UBE2M: variants seen among roughly 807,000 people sequenced by gnomAD.
UBE2M encodes the protein NEDD8-conjugating enzyme Ubc12.
In UBE2M, 2 loss-of-function variants were observed where a neutral mutation model predicts 23.5. The observed-to-expected ratio is 0.09, with a 90% CI of 0.03 to 0.27. The LOEUF (loss-of-function observed/expected upper bound fraction) is 0.27, where lower values mean the gene tolerates loss of function less well. Among genes scored for constraint, UBE2M ranks in the 10% least tolerant of loss-of-function variants. UBE2M has a pLI of 1.00. For synonymous variants in UBE2M, 97 were observed against 95.2 expected (o/e 1.02, Z -0.11); for missense variants, 103 against 232.9 (o/e 0.44, Z 3.63).
intron 1 of UBE2M, 135 bp from the exon 2 acceptor site, chr19:58,557,292 C>T: frequency 1.2e-6 from 1 of 855,916 alleles, no homozygotes; most frequent in Non-Finnish European, 1.9e-6. Context: ...CCAGGCGCCT[C>T]TCCTGGGCTG....
rs763088498 is a variant in UBE2M, at chr19:58,556,658, G to T, written c.347+29C>A. 2 of 1,511,090 alleles carry T rather than the reference G, an allele frequency of 1.3e-6. No homozygotes were observed. Among genetic ancestry groups the T allele is most frequent in the Non-Finnish European group, 1.8e-6 (2 of 1,128,706 alleles). The allele number at this position is 1,511,090 out of a possible 1,614,324, so 93.6% of individuals were successfully genotyped here. ...AGGGAGGCCTGGCAGGCAGCGCTGA[G>T]GAGGGCATTAGAGGGCCAGTGTCCT... On this transcript the variant is annotated intron_variant, in intron 4 of 5. Coordinates refer to ENST00000253023, the MANE Select transcript of UBE2M (RefSeq NM_003969.4). The surrounding 1 kb of genome is among the most constrained non-coding windows in gnomAD (Gnocchi z 4.9).
chr19:58,556,986 G>A lies in UBE2M; in HGVS notation c.205-56C>T. 3 of 1,613,716 alleles carry A rather than the reference G, an allele frequency of 1.9e-6. No individual in the cohort carries two copies. Among genetic ancestry groups the A allele is most frequent in the East Asian group, 2.2e-5 (1 of 44,880 alleles). ...AGGGTTCCATCCTGTGGGGCCCGAT[G>A]GGCAGAACATGTCTCCCTCCTCTCA... is the stretch of plus-strand genomic sequence containing the variant. On this transcript the variant is annotated intron_variant, in intron 2 of 5. Transcript: ENST00000253023. The surrounding 1 kb of genome is among the most constrained non-coding windows in gnomAD (Gnocchi z 4.9).
chr19:58,557,288 GCCTCT>G, intron 1 of UBE2M, 131 bp from the exon 2 acceptor site: 3 of 885,098 alleles, frequency 3.4e-6, no homozygotes, highest in Non-Finnish European at 5.6e-6. Context: ...ACCCCCAGGC[GCCTCT>G]CCTGGGCTGT....
rs757947177 is a variant in UBE2M at position 58,556,879 on chromosome 19, G to A, written c.243+13C>T. On this transcript the variant is annotated intron_variant, in intron 3 of 5. Coordinates refer to ENST00000253023, the MANE Select transcript of UBE2M (RefSeq NM_003969.4). This position sits in a 1 kb window ranked among gnomAD's most constrained non-coding sequence, Gnocchi z 4.9. Reference sequence around the variant, plus strand: ...TCTGTCCAGGGAGCCATCCCTGCCCGCCTGGGACTCACCTTAAAACTGAAC... The same window carrying A: ...TCTGTCCAGGGAGCCATCCCTGCCCACCTGGGACTCACCTTAAAACTGAAC... The A allele has an allele frequency of 9.9e-6, 16 of 1,613,952 alleles. No homozygotes were observed. In the East Asian group the frequency reaches 2.0e-4, roughly 20 times the overall value.
chr19:58,556,516 C>G lies in UBE2M; in HGVS notation c.348-137G>C, dbSNP rs917962644. On this transcript the variant is annotated intron_variant, in intron 4 of 5. Transcript: ENST00000253023. The surrounding 1 kb of genome is among the most constrained non-coding windows in gnomAD (Gnocchi z 4.9). Reference sequence around the variant, plus strand: ...CTGGGAGGGAGGGTGTGGAGCAGGACAGGCCAAGGAGAAAACCAAGGTCAG... The same window carrying G: ...CTGGGAGGGAGGGTGTGGAGCAGGAGAGGCCAAGGAGAAAACCAAGGTCAG... The G allele has an allele frequency of 9.0e-7, 1 of 1,114,254 alleles. No individual in the cohort carries two copies. The highest frequency in any genetic ancestry group is 1.3e-6 in the Non-Finnish European group (1 of 779,450). The allele number at this position is 1,114,254 out of a possible 1,614,324, so 69.0% of individuals were successfully genotyped here.
rs2053905087 is a variant in UBE2M, at chr19:58,558,150, A to C, written c.109+123T>G. 4 of 645,898 alleles carry C rather than the reference A, an allele frequency of 6.2e-6. No individual in the cohort carries two copies. Among genetic ancestry groups the C allele is most frequent in the African/African-American group, 2.2e-5 (1 of 45,156 alleles). 40.0% of individuals were successfully genotyped at this position (645,898 alleles called of 1,614,324 possible). A position where few individuals can be genotyped will look rare whatever the true frequency, so the allele number is the denominator to read the frequency against. ...CAAGACTTGACCTCCGACCCCCCCCACGCTCGGGGCCCTTCACCTCTGACC... is the reference window on the plus strand; with the variant it reads ...CAAGACTTGACCTCCGACCCCCCCCCCGCTCGGGGCCCTTCACCTCTGACC... On this transcript the variant is annotated intron_variant, in intron 1 of 5. Transcript: ENST00000253023. The surrounding 1 kb of genome is among the most constrained non-coding windows in gnomAD (Gnocchi z 4.7).
At position 58,556,167 on chromosome 19, in the gene UBE2M, C is replaced by T. The variant is rs762440438; in HGVS notation, c.474G>A (p.Arg158=). 6.2e-7 allele frequency: 1 copy of T among 1,614,126 alleles called. No homozygotes were observed. Among genetic ancestry groups the T allele is most frequent in the Non-Finnish European group, 8.5e-7 (1 of 1,180,016 alleles). The stretch of plus-strand genomic sequence containing the variant: ...AGCGCTGCACGTTCTGCTCAAACAG[C>T]CGCCGGTTGTTCTGCAGGACCTCTG... The part of the protein sequence containing the change: ...EAAEVLQNNR[R]LFEQNVQRSM... Residue 158 remains arginine (R), a synonymous_variant, in exon 6 of 6, where the codon CGG becomes CGA. Transcript: ENST00000253023. This position sits in a 1 kb window ranked among gnomAD's most constrained non-coding sequence, Gnocchi z 4.9.
chr19:58,557,284 A>G (rs2053898280), intron 1 of UBE2M, 127 bp from the exon 2 acceptor site: 7 of 931,620 alleles, frequency 7.5e-6, no homozygotes, highest in Non-Finnish European at 1.0e-5. Flanking sequence ...CTGGACCCCC[A>G]GGCGCCTCTC....
Position 58,557,057 on chromosome 19 carries a change from C to T in UBE2M, c.204+6G>A, listed in dbSNP as rs911525201. The T allele has an allele frequency of 4.3e-6, 7 of 1,614,068 alleles. No individual in the cohort carries two copies. The highest frequency in any genetic ancestry group is 5.9e-6 in the Non-Finnish European group (7 of 1,179,960). On this transcript the variant is annotated splice_donor_region_variant and intron_variant, in intron 2 of 5. Coordinates refer to ENST00000253023, the MANE Select transcript of UBE2M (RefSeq NM_003969.4). ...CTCCTGGGAATTCAGCCATATGCAC[C>T]CTCACCTCATCAGGACAGATGACCA...
intron 1 of UBE2M, among the ~76,000 whole-genome samples, chr19:58,557,883 C>G (rs2053902767): frequency 6.6e-6 from 1 of 151,702 alleles, no homozygotes; most frequent in African/African-American, 2.4e-5. Context: ...TAAACTAAAT[C>G]CTCTTCCACT....
chr19:58,557,022 C>A, intron 2 of UBE2M, 41 bp downstream of exon 2: 1 of 1,613,656 alleles, frequency 6.2e-7, no homozygotes, highest in Non-Finnish European at 8.5e-7. Flanking sequence ...GTGGGGACAC[C>A]CTTGGTTTGC....
chr19:58,557,632 C>A lies in UBE2M; in HGVS notation c.110-475G>T, dbSNP rs559261325. 1.8e-3 allele frequency among the ~76,000 whole-genome samples: 280 copies of A among 151,908 alleles called. 1 individual carries two copies. Among genetic ancestry groups the A allele is most frequent in the South Asian group, 3.5e-3 (17 of 4,802 alleles). On this transcript the variant is annotated intron_variant, in intron 1 of 5. Coordinates refer to ENST00000253023, the MANE Select transcript of UBE2M (RefSeq NM_003969.4). ...CAGACCCAGCTTTCCATGTGACCCCCACACTCTCAAGTCCCCAACCCCCGC... is the reference window on the plus strand; with the variant it reads ...CAGACCCAGCTTTCCATGTGACCCCAACACTCTCAAGTCCCCAACCCCCGC...
Position 58,558,340 on chromosome 19 carries a change from C to G in UBE2M, c.42G>C (p.Glu14Asp), listed in dbSNP as rs2053906723. ...LFSLKQQKKE[E>D]ESAGGTKGSS... ...TGCCCTTGGTGCCGCCCGCCGACTC[C>G]TCCTCCTTCTTCTGCTGCTTCAGCG... Residue 14 changes from glutamate to aspartate, a missense_variant, in exon 1 of 6, where the codon GAG (glutamate) becomes GAC (aspartate). Coordinates refer to ENST00000253023, the MANE Select transcript of UBE2M (RefSeq NM_003969.4). This position sits in a 1 kb window ranked among gnomAD's most constrained non-coding sequence, Gnocchi z 4.7. 1 of 1,596,190 alleles carries G rather than the reference C, an allele frequency of 6.3e-7. No individual in the cohort carries two copies.
Position 58,557,677 on chromosome 19 carries a change from T to A in UBE2M, c.110-520A>T, listed in dbSNP as rs192677891. On this transcript the variant is annotated intron_variant, in intron 1 of 5. Transcript: ENST00000253023. ...CCCCGCCACCCTACCCCACCCCCTC[T>A]GACTCTGAGGTTCACAGCACAATAG... 2.3e-4 allele frequency among the ~76,000 whole-genome samples: 23 copies of A among 101,736 alleles called. No individual in the cohort carries two copies. The East Asian group carries it at 6.9e-3, about 31-fold the overall frequency. The allele number at this position is 101,736 out of a possible 152,430, so 66.7% of individuals were successfully genotyped here. A position where few individuals can be genotyped will look rare whatever the true frequency, so the allele number is the denominator to read the frequency against.
At position 58,555,799 on chromosome 19, in the gene UBE2M, C is replaced by T. The variant is rs537345888; in HGVS notation, c.*290G>A. The T allele has an allele frequency of 2.2e-5, 10 of 445,030 alleles. No homozygotes were observed. The highest frequency in any genetic ancestry group is 1.8e-4 in the African/African-American group (9 of 51,170). The allele number at this position is 445,030 out of a possible 1,614,324, so 27.6% of individuals were successfully genotyped here. On this transcript the variant is annotated 3_prime_UTR_variant, in exon 6 of 6. Coordinates refer to ENST00000253023, the MANE Select transcript of UBE2M (RefSeq NM_003969.4). ...GGGCCCAGCTACCCAGGCCCGTTGC[C>T]CACCCACTCCACAGCCCAGAGTGGG...
rs2053903873 is a variant in UBE2M at position 58,558,004 on chromosome 19, T to C, written c.109+269A>G. On this transcript the variant is annotated intron_variant, in intron 1 of 5. Coordinates refer to ENST00000253023, the MANE Select transcript of UBE2M (RefSeq NM_003969.4). This position sits in a 1 kb window ranked among gnomAD's most constrained non-coding sequence, Gnocchi z 4.7. ...CGAGTCGTCAGTTCCTCCACTCCAC[T>C]GCCTGACTCTGAGATTCCGAGTCCC... 6.6e-6 allele frequency among the ~76,000 whole-genome samples: 1 copy of C among 151,958 alleles called. No homozygotes were observed. The highest frequency in any genetic ancestry group is 2.1e-4 in the South Asian group (1 of 4,822).
Position 58,556,543 on chromosome 19 carries a change from C to G in UBE2M, c.347+144G>C. The G allele has an allele frequency of 9.4e-7, 1 of 1,064,486 alleles. No homozygotes were observed. The highest frequency in any genetic ancestry group is 1.3e-6 in the Non-Finnish European group (1 of 742,580). 65.9% of individuals were successfully genotyped at this position (1,064,486 alleles called of 1,614,324 possible). A position where few individuals can be genotyped will look rare whatever the true frequency, so the allele number is the denominator to read the frequency against. On this transcript the variant is annotated intron_variant, in intron 4 of 5. Coordinates refer to ENST00000253023, the MANE Select transcript of UBE2M (RefSeq NM_003969.4). The surrounding 1 kb of genome is among the most constrained non-coding windows in gnomAD (Gnocchi z 4.9). ...GGCCAAGGAGAAAACCAAGGTCAGGCCATGAGGAAGATGACTGGGAAATCA... is the reference window on the plus strand; with the variant it reads ...GGCCAAGGAGAAAACCAAGGTCAGGGCATGAGGAAGATGACTGGGAAATCA...
chr19:58,558,268 C>CCT lies in UBE2M; in HGVS notation c.109+3_109+4dup, dbSNP rs754291655. ...CGGCTCCAACCCCATCCCCTGACCC[C>CCT]CTACCCTTCTGGATCCGCAGCTGCG... On this transcript the variant is annotated splice_donor_region_variant and intron_variant, in intron 1 of 5. Coordinates refer to ENST00000253023, the MANE Select transcript of UBE2M (RefSeq NM_003969.4). The surrounding 1 kb of genome is among the most constrained non-coding windows in gnomAD (Gnocchi z 4.7). 5.6e-6 allele frequency: 9 copies of CCT among 1,600,564 alleles called. No homozygotes were observed. The South Asian group carries it at 1.0e-4, about 18-fold the overall frequency.
In UBE2M at chr19:58,556,001, C is replaced by T; in HGVS notation, c.*88G>A. The stretch of plus-strand genomic sequence containing the variant: ...GGCAGGGGATTCCCCCACCGGCCGC[C>T]CCCCAAACCCCTACCCATGGCCCCC... On this transcript the variant is annotated 3_prime_UTR_variant, in exon 6 of 6. Coordinates refer to ENST00000253023, the MANE Select transcript of UBE2M (RefSeq NM_003969.4). This position sits in a 1 kb window ranked among gnomAD's most constrained non-coding sequence, Gnocchi z 4.9. The T allele has an allele frequency of 1.3e-6, 2 of 1,516,472 alleles. No homozygotes were observed. The highest frequency in any genetic ancestry group is 1.8e-6 in the Non-Finnish European group (2 of 1,124,904). The allele number at this position is 1,516,472 out of a possible 1,614,324, so 93.9% of individuals were successfully genotyped here.
Sources: gnomAD v4.1 joint callset for allele counts (sites outside exome capture counted in the v4.1 genomes callset) on GRCh38, gnomAD v4.1.1 for gene constraint, Gnocchi (gnomAD v3.1) non-coding constraint, MANE v1.5 for transcripts, NCBI Gene and HGNC (gene_info 2026-07-23, HGNC 2026-07-21) for gene names.